The following CNKSR1 variants were observed in gnomAD, a reference collection of about 807,000 sequenced individuals.
CNKSR1 encodes the protein connector enhancer of kinase suppressor of Ras 1.
A neutral mutation model predicts 95.6 loss-of-function variants in CNKSR1; 88 were observed. That is an observed-to-expected ratio of 0.92 (90% CI 0.78 to 1.10). CNKSR1 has a LOEUF of 1.10. Among genes scored for constraint, CNKSR1 ranks in the 50% least tolerant of loss-of-function variants. The pLI, the probability that CNKSR1 is intolerant of heterozygous loss-of-function variation, is 0.00. For missense variants in CNKSR1, 836 were observed against 912.0 expected (o/e 0.92, Z 1.07); for synonymous variants, 355 against 369.7 (o/e 0.96, Z 0.46).
In CNKSR1 at chr1:26,179,218, C is replaced by G. The variant is rs1165230725; in HGVS notation, c.53-1235C>G. ...GACAAATGGTTATCTAAGGCCTGAT[C>G]TTTGAAGAGCCTGTGATAAAATGGG... On this transcript the variant is annotated intron_variant, in intron 1 of 20. Transcript: ENST00000361530. Among the ~76,000 whole-genome samples the G allele has an allele frequency of 3.9e-5, 6 of 152,152 alleles. No individual in the cohort carries two copies. In the East Asian group the frequency reaches 1.2e-3, roughly 29 times the overall value.
At position 26,189,688 on chromosome 1, in the gene CNKSR1, G is replaced by T; in HGVS notation, c.*140G>T. 1 of 764,454 alleles carries T rather than the reference G, an allele frequency of 1.3e-6. No homozygotes were observed. Among genetic ancestry groups the T allele is most frequent in the South Asian group, 1.4e-5 (1 of 73,022 alleles). The allele number at this position is 764,454 out of a possible 1,614,324, so 47.4% of individuals were successfully genotyped here. A position where few individuals can be genotyped will look rare whatever the true frequency, so the allele number is the denominator to read the frequency against. ...GCTAGTCATGGTCTCACCCCGAGCT[G>T]ACCCCTCTGCCTGGGCTTTGTGCCA... On this transcript the variant is annotated 3_prime_UTR_variant, in exon 21 of 21. Coordinates refer to ENST00000361530, the MANE Select transcript of CNKSR1 (RefSeq NM_006314.3).
intron 16 of CNKSR1, among the ~76,000 whole-genome samples, chr1:26,187,935 T>A (rs1373436585): frequency 1.3e-5 from 2 of 151,862 alleles, no homozygotes; most frequent in Non-Finnish European, 2.9e-5. Context: ...TCTTTTTTTT[T>A]AATTAAAAAG....
chr1:26,182,161 C>G lies in CNKSR1; in HGVS notation c.478-200C>G. The G allele has an allele frequency of 4.3e-6, 3 of 700,604 alleles. No individual in the cohort carries two copies. In the South Asian group the frequency reaches 5.3e-5, roughly 12 times the overall value. 43.4% of individuals were successfully genotyped at this position (700,604 alleles called of 1,614,324 possible). On this transcript the variant is annotated intron_variant, in intron 4 of 20. Transcript: ENST00000361530. ...CAGGACAGGGAAGGAGGGGAGGGCA[C>G]GTGTGGTGACTTCTGGGGGCCTGGT...
At chr1:26,181,280 CAAAAAAAAA>C (rs11392737) in intron 3 of CNKSR1, among the ~76,000 whole-genome samples, 6 of 49,158 alleles carry the variant, frequency 1.2e-4, no homozygotes, top group Non-Finnish European at 1.7e-4. Context: ...GACTCCCTCT[CAAAAAAAAA>C]AAAAAAAAAA....
chr1:26,183,286 C>T, intron 7 of CNKSR1, 30 bp downstream of exon 7: 1 of 1,614,154 alleles, frequency 6.2e-7, no homozygotes, highest in Non-Finnish European at 8.5e-7. Context: ...CTCAGCCGCC[C>T]ATCCCCGAGG....
intron 4 of CNKSR1, 176 bp downstream of exon 4, chr1:26,182,117 G>T (rs1457323801): frequency 4.0e-6 from 3 of 750,524 alleles, no homozygotes; most frequent in Non-Finnish European, 4.6e-6. Flanking sequence ...CCCCTAGCTG[G>T]CAGGGGAATT....
rs768043705 is a variant in CNKSR1, at chr1:26,185,001, T to A, written c.1136-13T>A. ...CAGCCCCTCACTGCCCAGCTTGTGC[T>A]GTGCTGCTACAGGCCTGGCGACCCG... On this transcript the variant is annotated splice_polypyrimidine_tract_variant and intron_variant, in intron 13 of 20. Coordinates refer to ENST00000361530, the MANE Select transcript of CNKSR1 (RefSeq NM_006314.3). The A allele has an allele frequency of 6.3e-7, 1 of 1,590,390 alleles. No individual in the cohort carries two copies. Among genetic ancestry groups the A allele is most frequent in the Non-Finnish European group, 8.5e-7 (1 of 1,175,422 alleles).
At chr1:26,178,503 G>T (rs1480377722) in intron 1 of CNKSR1, among the ~76,000 whole-genome samples, 1 of 152,170 alleles carries the variant, frequency 6.6e-6, no homozygotes, top group Admixed American at 6.5e-5. Context: ...CTCAGAGAAG[G>T]AAGGGCCTCC....
Position 26,181,678 on chromosome 1 carries a change from C to G in CNKSR1, c.393-179C>G, listed in dbSNP as rs536163927. ...AACAGGGCTTGGCATGTGGTAGGCACATGACAAATAAGTCCTGTGCTAATC... is the reference window on the plus strand; with the variant it reads ...AACAGGGCTTGGCATGTGGTAGGCAGATGACAAATAAGTCCTGTGCTAATC... On this transcript the variant is annotated intron_variant, in intron 3 of 20. Coordinates refer to ENST00000361530, the MANE Select transcript of CNKSR1 (RefSeq NM_006314.3). 4.6e-6 allele frequency: 3 copies of G among 652,374 alleles called. No homozygotes were observed. The Admixed American group carries it at 6.4e-5, about 14-fold the overall frequency. The allele number at this position is 652,374 out of a possible 1,614,324, so 40.4% of individuals were successfully genotyped here.
In CNKSR1 at chr1:26,184,179, C is replaced by A. The variant is rs565609715; in HGVS notation, c.927-35C>A. The A allele has an allele frequency of 1.8e-5, 29 of 1,611,664 alleles. No individual in the cohort carries two copies. In the Admixed American group the frequency reaches 2.3e-4, roughly 13 times the overall value. On this transcript the variant is annotated intron_variant, in intron 10 of 20. Transcript: ENST00000361530. The stretch of plus-strand genomic sequence containing the variant: ...GTCCAGGTGTGTCTTGGTGGGGAGA[C>A]CGTGGGCTCATCTCATCCCCCTTGC...
At position 26,177,578 on chromosome 1, in the gene CNKSR1, A is replaced by G; in HGVS notation, c.31A>G (p.Lys11Glu). The stretch of plus-strand genomic sequence containing the variant: ...ACCGGTAGAGACCTGGACCCCCGGA[A>G]AGGTGGCAACTTGGCTGAGAGGTGG... The part of the protein sequence containing the change: MEPVETWTPG[K>E]VATWLRGLDD... The change falls in exon 1 of 21, where the codon AAG (lysine) becomes GAG (glutamate). Residue 11 changes from lysine to glutamate, a missense_variant. By Grantham distance (56) the Lys-to-Glu change is moderately conservative. Coordinates refer to ENST00000361530, the MANE Select transcript of CNKSR1 (RefSeq NM_006314.3). 6.2e-7 allele frequency: 1 copy of G among 1,614,134 alleles called. No homozygotes were observed. Among genetic ancestry groups the G allele is most frequent in the Non-Finnish European group, 8.5e-7 (1 of 1,180,010 alleles).
At position 26,188,668 on chromosome 1, in the gene CNKSR1, G is replaced by T. The variant is rs1049443846; in HGVS notation, c.1661G>T (p.Ser554Ile). The stretch of plus-strand genomic sequence containing the variant: ...CCTGCAGCCACCCCCACACAGCGCA[G>T]CCCACGGACCTCCTTTGGCTCTCTG... ...TSPAATPTQR[S>I]PRTSFGSLTD... Residue 554 changes from serine to isoleucine, a missense_variant, in exon 19 of 21, where the codon AGC becomes ATC. Coordinates refer to ENST00000361530, the MANE Select transcript of CNKSR1 (RefSeq NM_006314.3). 6.2e-7 allele frequency: 1 copy of T among 1,613,776 alleles called. No individual in the cohort carries two copies. The highest frequency in any genetic ancestry group is 2.2e-5 in the East Asian group (1 of 44,874).
At position 26,189,272 on chromosome 1, in the gene CNKSR1, C is replaced by T; in HGVS notation, c.1873-7C>T. The stretch of plus-strand genomic sequence containing the variant: ...TCATGGTCCCTTAGCCCCTCCTCTC[C>T]ACACAGGCAAAGCTGCAGGAGCTGC... On this transcript the variant is annotated splice_region_variant and splice_polypyrimidine_tract_variant and intron_variant, in intron 20 of 20. Coordinates refer to ENST00000361530, the MANE Select transcript of CNKSR1 (RefSeq NM_006314.3). 6.2e-7 allele frequency: 1 copy of T among 1,614,080 alleles called. No homozygotes were observed. Among genetic ancestry groups the T allele is most frequent in the Non-Finnish European group, 8.5e-7 (1 of 1,180,000 alleles).
chr1:26,186,349 G>A (rs1356177692), intron 14 of CNKSR1, among the ~76,000 whole-genome samples: 1 of 152,262 alleles, frequency 6.6e-6, no homozygotes, highest in African/African-American at 2.4e-5. Flanking sequence ...CACCCAGGCT[G>A]GAGGGCAGTG....
chr1:26,187,351 C>T (rs2124515677), intron 15 of CNKSR1, 60 bp from the exon 16 acceptor site: 1 of 1,600,756 alleles, frequency 6.2e-7, no homozygotes, highest in East Asian at 2.2e-5. Flanking sequence ...CAGAATCCAG[C>T]CTCTCTGGGC....
rs193100313 is a variant in CNKSR1, at chr1:26,180,769, G to A, written c.265G>A (p.Ala89Thr). The stretch of plus-strand genomic sequence containing the variant: ...AAGCCTGACAGAGGGACTTCTGGGG[G>A]CAACCCATGACTTCCAGAGCATAGT... ...LQSLTEGLLG[A>T]THDFQSIVQG... The change falls in exon 3 of 21, where the codon GCA (alanine) becomes ACA (threonine). Residue 89 changes from alanine (A) to threonine (T), a missense_variant. Ala to Thr is a moderately conservative substitution (Grantham distance 58, BLOSUM62 0). Coordinates refer to ENST00000361530, the MANE Select transcript of CNKSR1 (RefSeq NM_006314.3). 6.8e-5 allele frequency: 110 copies of A among 1,614,238 alleles called. No homozygotes were observed. The East Asian group carries it at 2.3e-3, about 34-fold the overall frequency.
At chr1:26,186,920 T>G (rs1478182090) in intron 14 of CNKSR1, 1 of 488,636 alleles carries the variant, frequency 2.0e-6, no homozygotes, top group East Asian at 3.7e-5. Context: ...TCCTCTTTTT[T>G]TTTTTTTTGG....
chr1:26,184,316 G>A (rs1198648964), intron 11 of CNKSR1, 29 bp downstream of exon 11: 23 of 1,609,716 alleles, frequency 1.4e-5, no homozygotes, highest in Non-Finnish European at 1.9e-5. Context: ...GGATGCCCCG[G>A]ACACGGCATC....
At chr1:26,185,815 G>A (rs2088740834) in intron 14 of CNKSR1, among the ~76,000 whole-genome samples, 1 of 152,142 alleles carries the variant, frequency 6.6e-6, no homozygotes, top group African/African-American at 2.4e-5. Flanking sequence ...ATAGGCGTGA[G>A]CCACCACATC....
Sources: gnomAD v4.1 joint callset for allele counts (sites outside exome capture counted in the v4.1 genomes callset) on GRCh38, gnomAD v4.1.1 for gene constraint, MANE v1.5 for transcripts, NCBI Gene and HGNC (gene_info 2026-07-23, HGNC 2026-07-21) for gene names.